Variants in LGI2 observed in about 807,000 individuals in gnomAD.
The protein encoded by LGI2 is leucine-rich repeat LGI family member 2.
In LGI2, 30 loss-of-function variants were observed where a neutral mutation model predicts 52.0. The observed-to-expected ratio is 0.58, with a 90% CI of 0.43 to 0.78. LGI2 has a LOEUF of 0.78. LGI2 is among the 30% of genes least tolerant of loss of function. The probability of loss-of-function intolerance (pLI) is 0.00; values close to 1 mark genes in which losing one functional copy is unlikely to be tolerated. For synonymous variants in LGI2, 270 were observed against 271.8 expected (o/e 0.99, Z 0.06); for missense variants, 573 against 692.5 (o/e 0.83, Z 1.94).
the LGI2 span, among the ~76,000 whole-genome samples, chr4:24,992,268 A>G: frequency 6.6e-6 from 1 of 152,148 alleles, no homozygotes; most frequent in Non-Finnish European, 1.5e-5. Context: ...AAGGATTTCA[A>G]GCCCCCTAAA....
intron 7 of LGI2, among the ~76,000 whole-genome samples, chr4:25,008,553 CA>C (rs33920247): frequency 0.079 from 6,772 of 85,882 alleles, 126 homozygotes; most frequent in South Asian, 0.21. Flanking sequence ...GACTCTGTCT[CA>C]AAAAAAAAAA....
chr4:25,030,810 A>G lies in LGI2; in HGVS notation c.-117T>C. ...TGCTCTGCCGCCGCCGCTGCTGGCG[A>G]GGACTAGGGAGCCGCGGGTGTGGGA... is the stretch of plus-strand genomic sequence containing the variant. On this transcript the variant is annotated 5_prime_UTR_variant, in exon 1 of 8. Transcript: ENST00000382114. The G allele has an allele frequency of 2.1e-6, 1 of 465,694 alleles. No individual in the cohort carries two copies. The highest frequency in any genetic ancestry group is 2.8e-6 in the Non-Finnish European group (1 of 351,738). The allele number at this position is 465,694 out of a possible 1,614,324, so 28.8% of individuals were successfully genotyped here.
At chr4:25,028,307 G>C (rs1340758942) in intron 2 of LGI2, among the ~76,000 whole-genome samples, 200 bp downstream of exon 2, 3 of 152,136 alleles carry the variant, frequency 2.0e-5, no homozygotes, top group East Asian at 1.9e-4. Flanking sequence ...AACAGGTATC[G>C]AACTAAGGAA....
intron 7 of LGI2, among the ~76,000 whole-genome samples, chr4:25,005,843 C>T (rs899340858): frequency 7.2e-5 from 11 of 152,264 alleles, no homozygotes; most frequent in African/African-American, 2.4e-4. Context: ...AGCCCAGCCC[C>T]GCACCTTGTA....
chr4:25,017,371 G>A (rs966391048), intron 6 of LGI2, among the ~76,000 whole-genome samples: 3 of 151,466 alleles, frequency 2.0e-5, no homozygotes, highest in South Asian at 4.2e-4. Context: ...GTGAAACCCC[G>A]TCTCTACTAA....
chr4:25,030,372 A>G (rs1726297768), intron 1 of LGI2, 125 bp downstream of exon 1: 1 of 1,031,264 alleles, frequency 9.7e-7, no homozygotes, highest in African/African-American at 1.7e-5. Flanking sequence ...CCCCCACACA[A>G]AGGCAAAGAA....
At chr4:25,030,119 C>T (rs913835323) in intron 1 of LGI2, among the ~76,000 whole-genome samples, 26 of 152,188 alleles carry the variant, frequency 1.7e-4, no homozygotes, top group Admixed American at 1.2e-3. Flanking sequence ...CACACGCCCT[C>T]TCAAACTTTA....
At chr4:25,015,103 T>A (rs1370965884) in intron 6 of LGI2, among the ~76,000 whole-genome samples, 2 of 152,216 alleles carry the variant, frequency 1.3e-5, no homozygotes, top group African/African-American at 4.8e-5. Flanking sequence ...TGGATTAAGT[T>A]CATGATGTCA....
the LGI2 span, among the ~76,000 whole-genome samples, chr4:24,992,208 G>C: frequency 2.0e-5 from 3 of 152,166 alleles, no homozygotes; most frequent in Non-Finnish European, 2.9e-5. Context: ...GTCATCTCTG[G>C]GTCTCCACTT....
intron 4 of LGI2, among the ~76,000 whole-genome samples, chr4:25,023,068 TTGATGATGA>T (rs59366282): frequency 6.6e-6 from 1 of 151,144 alleles, no homozygotes; most frequent in East Asian, 2.0e-4. Context: ...TATGTTGATG[TTGATGATGA>T]TGATGATGAT....
chr4:25,017,187 G>T (rs1362667449), intron 6 of LGI2, among the ~76,000 whole-genome samples: 2 of 151,876 alleles, frequency 1.3e-5, no homozygotes, highest in African/African-American at 4.8e-5. Flanking sequence ...TTTGCCATTG[G>T]TTATAATTTA....
intron 4 of LGI2, among the ~76,000 whole-genome samples, chr4:25,024,412 G>T (rs4235327): frequency 0.49 from 75,078 of 151,858 alleles, 19,232 homozygotes; most frequent in East Asian, 0.91. Context: ...TACTCGGGAG[G>T]CTGAGGCATG....
intron 7 of LGI2, among the ~76,000 whole-genome samples, chr4:25,008,250 C>T (rs1047613262): frequency 6.6e-6 from 1 of 152,080 alleles, no homozygotes; most frequent in Non-Finnish European, 1.5e-5. Context: ...TATTTTACCC[C>T]CATTAAATCC....
chr4:25,021,496 C>T (rs184705094), intron 4 of LGI2, among the ~76,000 whole-genome samples: 4 of 152,164 alleles, frequency 2.6e-5, no homozygotes, highest in East Asian at 1.9e-4. Context: ...TCCGTAAGCA[C>T]GGGGGTGAAC....
chr4:25,011,388 C>A (rs1486560243), intron 7 of LGI2, among the ~76,000 whole-genome samples: 1 of 152,170 alleles, frequency 6.6e-6, no homozygotes, highest in Non-Finnish European at 1.5e-5. Flanking sequence ...CCGACGGTGG[C>A]CAGCTCATCT....
Position 25,016,044 on chromosome 4 carries a change from G to C in LGI2, c.655+1945C>G, listed in dbSNP as rs575302101. Among the ~76,000 whole-genome samples the C allele has an allele frequency of 8.6e-5, 13 of 151,872 alleles. No individual in the cohort carries two copies. In the East Asian group the frequency reaches 2.3e-3, roughly 27 times the overall value. Reference sequence around the variant, plus strand: ...ATGAAGACAAATACTGCATGAGACAGAGAAGGCTCTAAAATGTGTTAAGGC... The same window carrying C: ...ATGAAGACAAATACTGCATGAGACACAGAAGGCTCTAAAATGTGTTAAGGC... On this transcript the variant is annotated intron_variant, in intron 6 of 7. Transcript: ENST00000382114.
intron 1 of LGI2, among the ~76,000 whole-genome samples, chr4:25,028,920 A>C (rs1372238731): frequency 6.6e-6 from 1 of 152,198 alleles, no homozygotes; most frequent in Admixed American, 6.5e-5. Context: ...ACCTCTGCCC[A>C]TGATTCTGTT....
At position 25,030,643 on chromosome 4, in the gene LGI2, C is replaced by T. The variant is rs1475889405; in HGVS notation, c.51G>A (p.Leu17=). The change falls in exon 1 of 8, where the codon CTG becomes CTA. Residue 17 remains leucine, a synonymous_variant. Transcript: ENST00000382114. The part of the protein sequence containing the change: ...GCGALGLLLL[L]LGAACLIPRS... ...GCGGTATCAGGCACGCGGCGCCCAG[C>T]AGCAGCAGCAGCAGCCCGAGCGCTC... 2.0e-6 allele frequency: 3 copies of T among 1,536,274 alleles called. No individual in the cohort carries two copies. Among genetic ancestry groups the T allele is most frequent in the Non-Finnish European group, 2.6e-6 (3 of 1,141,740 alleles).
intron 4 of LGI2, among the ~76,000 whole-genome samples, chr4:25,022,855 G>T (rs1726017654): frequency 1.3e-5 from 2 of 152,190 alleles, no homozygotes; most frequent in Non-Finnish European, 2.9e-5. Context: ...CTTTGCCTTA[G>T]GTTTATAATC....
Sources: gnomAD v4.1 joint callset for allele counts (sites outside exome capture counted in the v4.1 genomes callset) on GRCh38, gnomAD v4.1.1 for gene constraint, MANE v1.5 for transcripts, NCBI Gene and HGNC (gene_info 2026-07-23, HGNC 2026-07-21) for gene names.